The following ANXA2 variants were observed in gnomAD, a reference collection of about 807,000 sequenced individuals.
The protein encoded by ANXA2 is annexin A2, also known as annexin II.
A neutral mutation model predicts 47.3 loss-of-function variants in ANXA2; 28 were observed. The ratio of observed to expected loss-of-function variants is 0.59; its 90% CI spans 0.44 to 0.81. The LOEUF (loss-of-function observed/expected upper bound fraction) is 0.81. Among genes scored for constraint, ANXA2 ranks in the 40% least tolerant of loss-of-function variants. The pLI is 0.00. For synonymous variants in ANXA2, 172 were observed against 155.5 expected, an observed-to-expected ratio of 1.11 and a Z score of -0.79; for missense variants, 384 against 414.3, an observed-to-expected ratio of 0.93 and a Z score of 0.64.
chr15:60,355,914 C>A lies in ANXA2; in HGVS notation c.528+5G>T, dbSNP rs769190461. The A allele has an allele frequency of 1.2e-6, 2 of 1,613,610 alleles. No homozygotes were observed. The highest frequency in any genetic ancestry group is 2.2e-5 in the South Asian group (2 of 91,078). ...AAGGGCAAAGAAAGAAACTGGGAAA[C>A]CAACCTTTGCCAGGGCAACCATCAG... On this transcript the variant is annotated splice_donor_5th_base_variant and intron_variant, in intron 7 of 12. Transcript: ENST00000451270.
At chr15:60,376,526 C>T (rs2062781306) in intron 3 of ANXA2, among the ~76,000 whole-genome samples, 1 of 152,156 alleles carries the variant, frequency 6.6e-6, no homozygotes, top group African/African-American at 2.4e-5. Context: ...TTTGTCTGCA[C>T]ACCTGGAGGT....
At chr15:60,365,560 G>C (rs906716543) in intron 3 of ANXA2, among the ~76,000 whole-genome samples, 1 of 152,158 alleles carries the variant, frequency 6.6e-6, no homozygotes, top group African/African-American at 2.4e-5. Context: ...GAGTCCTGAA[G>C]AAACAGAAAG....
chr15:60,363,019 G>A (rs1428322517), intron 4 of ANXA2: 1 of 87,972 alleles, frequency 1.1e-5, no homozygotes, highest in Non-Finnish European at 2.2e-5. Context: ...GACAGAGCAA[G>A]ACCCTGTCAC....
At position 60,349,083 on chromosome 15, in the gene ANXA2, A is replaced by G. The variant is rs1369928326; in HGVS notation, c.952T>C (p.Tyr318His). The change falls in exon 12 of 13, where the codon TAT (tyrosine) becomes CAT (histidine). Residue 318 changes from tyrosine (Y) to histidine (H), a missense_variant. Transcript: ENST00000451270. ...CTGCACCTCGGGCTTACCTGGATAT[A>G]ATAGTACAGGGACTTGCCGTACTTT... is the stretch of plus-strand genomic sequence containing the variant. ...KRKYGKSLYYYIQQDTKGDYQ... is the reference protein window; with the variant it reads ...KRKYGKSLYYHIQQDTKGDYQ... 4 of 1,613,922 alleles carry G rather than the reference A, an allele frequency of 2.5e-6. No individual in the cohort carries two copies. Among genetic ancestry groups the G allele is most frequent in the African/African-American group, 2.7e-5 (2 of 74,920 alleles).
intron 1 of ANXA2, chr15:60,392,991 C>T: frequency 8.0e-7 from 1 of 1,253,648 alleles, no homozygotes; most frequent in Non-Finnish European, 1.0e-6. Context: ...GGGGTTCCCA[C>T]TGTACTCCAT....
intron 3 of ANXA2, among the ~76,000 whole-genome samples, chr15:60,368,128 G>A (rs912795281): frequency 7.0e-6 from 1 of 142,080 alleles, no homozygotes; most frequent in Non-Finnish European, 1.5e-5. Context: ...CTCGTTAAGA[G>A]TCATCACCAC....
At chr15:60,392,979 G>A (rs1036536822) in intron 1 of ANXA2, 1 of 1,204,992 alleles carries the variant, frequency 8.3e-7, no homozygotes, top group Admixed American at 3.2e-5. Context: ...TGGGTGAGGA[G>A]AGGGGTTCCC....
intron 3 of ANXA2, among the ~76,000 whole-genome samples, chr15:60,373,542 C>T (rs1163056235): frequency 1.3e-5 from 2 of 152,128 alleles, no homozygotes; most frequent in East Asian, 3.9e-4. Flanking sequence ...CCAGCACAAG[C>T]GAGCACTGTG....
rs186759774 is a variant in ANXA2, at chr15:60,352,623, C to T, written c.589-147G>A. 105 of 646,054 alleles carry T rather than the reference C, an allele frequency of 1.6e-4. No homozygotes were observed. In the African/African-American group the frequency reaches 1.7e-3, roughly 10 times the overall value. The allele number at this position is 646,054 out of a possible 1,614,324, so 40.0% of individuals were successfully genotyped here. A position where few individuals can be genotyped will look rare whatever the true frequency, so the allele number is the denominator to read the frequency against. On this transcript the variant is annotated intron_variant, in intron 8 of 12. Transcript: ENST00000451270. The surrounding 1 kb of genome is among the most constrained non-coding windows in gnomAD (Gnocchi z 4.2). ...TACTGCAGACATGGGCAGAGACCTA[C>T]TATTTAGGTCAAAAGTCTTAATCAC...
intron 6 of ANXA2, 68 bp downstream of exon 6, chr15:60,357,078 C>G: frequency 7.0e-7 from 1 of 1,437,112 alleles, no homozygotes; most frequent in Non-Finnish European, 9.8e-7. Flanking sequence ...GAACCCTAAC[C>G]CCAGTGGCCA....
intron 3 of ANXA2, among the ~76,000 whole-genome samples, chr15:60,377,850 G>A (rs2062802589): frequency 1.3e-5 from 2 of 152,056 alleles, no homozygotes; most frequent in South Asian, 4.1e-4. Context: ...CACTTTCGGA[G>A]GCCAAGACAG....
chr15:60,386,212 C>T (rs747383284), intron 1 of ANXA2, 126 bp from the exon 2 acceptor site: 8 of 662,232 alleles, frequency 1.2e-5, no homozygotes, highest in Non-Finnish European at 2.1e-5. Flanking sequence ...GTAGTTTTTG[C>T]AAACAGATGC....
chr15:60,365,912 G>A (rs112837897), intron 3 of ANXA2, among the ~76,000 whole-genome samples: 7 of 128,018 alleles, frequency 5.5e-5, no homozygotes, highest in Non-Finnish European at 1.1e-4. Flanking sequence ...AAAGCTGGAC[G>A]GTACTGCTGC....
intron 5 of ANXA2, among the ~76,000 whole-genome samples, chr15:60,358,003 T>C (rs1385785825): frequency 6.6e-6 from 1 of 152,264 alleles, no homozygotes; most frequent in East Asian, 1.9e-4. Context: ...AGAAATTTTA[T>C]GTTGTCACTT....
At chr15:60,377,081 A>C (rs146418626) in intron 3 of ANXA2, among the ~76,000 whole-genome samples, 1 of 152,370 alleles carries the variant, frequency 6.6e-6, no homozygotes, top group African/African-American at 2.4e-5. Flanking sequence ...GATGTCAAGG[A>C]AACACCAACT....
At chr15:60,378,107 GA>G (rs1035240777) in intron 3 of ANXA2, among the ~76,000 whole-genome samples, 117 of 146,860 alleles carry the variant, frequency 8.0e-4, no homozygotes, top group African/African-American at 2.3e-3. Flanking sequence ...GCCTCAAAAA[GA>G]AAAAAAAAAT....
chr15:60,355,169 T>C (rs550381813), intron 7 of ANXA2, among the ~76,000 whole-genome samples: 36 of 151,600 alleles, frequency 2.4e-4, no homozygotes, highest in African/African-American at 8.5e-4. Flanking sequence ...CAGTTAGGAG[T>C]TTAAATTTGA....
In ANXA2 at chr15:60,351,248, T is replaced by G. The variant is rs1249847357; in HGVS notation, c.782A>C (p.Gln261Pro). The G allele has an allele frequency of 6.2e-7, 1 of 1,614,072 alleles. No individual in the cohort carries two copies. The highest frequency in any genetic ancestry group is 1.3e-5 in the African/African-American group (1 of 74,946). Residue 261 changes from glutamine to proline, a missense_variant, in exon 11 of 13, where the codon CAG becomes CCG. By Grantham distance (76) the Gln-to-Pro change is moderately conservative. Coordinates refer to ENST00000451270, the MANE Select transcript of ANXA2 (RefSeq NM_004039.3). The part of the protein sequence containing the change: ...DLENAFLNLV[Q>P]CIQNKPLYFA... ...ATACAGGGGCTTGTTCTGAATGCACTGAACTGTGGAGAGAAGAAAGGGAGT... is the reference window on the plus strand; with the variant it reads ...ATACAGGGGCTTGTTCTGAATGCACGGAACTGTGGAGAGAAGAAAGGGAGT...
At position 60,352,265 on chromosome 15, in the gene ANXA2, G is replaced by C; in HGVS notation, c.682+118C>G. 1 of 655,516 alleles carries C rather than the reference G, an allele frequency of 1.5e-6. No homozygotes were observed. The highest frequency in any genetic ancestry group is 2.9e-5 in the Admixed American group (1 of 34,752). The allele number at this position is 655,516 out of a possible 1,614,324, so 40.6% of individuals were successfully genotyped here. A position where few individuals can be genotyped will look rare whatever the true frequency, so the allele number is the denominator to read the frequency against. On this transcript the variant is annotated intron_variant, in intron 9 of 12. Transcript: ENST00000451270. The surrounding 1 kb of genome is among the most constrained non-coding windows in gnomAD (Gnocchi z 4.2). ...GGTGAGGGAAAATGGGTGAGCCTAT[G>C]AGAGTGCCAAGCGGAGACAGAACCT...
Sources: allele counts gnomAD v4.1 joint callset (sites outside exome capture counted in the v4.1 genomes callset), GRCh38; gene constraint gnomAD v4.1.1; non-coding constraint Gnocchi (gnomAD v3.1); transcripts MANE v1.5; gene names NCBI Gene and HGNC (gene_info 2026-07-23, HGNC 2026-07-21).